The following MAGEH1 variants were observed in gnomAD, a reference collection of about 807,000 sequenced individuals.
The protein encoded by MAGEH1 is MAGE family member H1.
For missense variants in MAGEH1, 152 were observed against 183.0 expected, an observed-to-expected ratio of 0.83 and a Z score of 0.98; for synonymous variants, 79 against 70.3, an observed-to-expected ratio of 1.12 and a Z score of -0.62.
At position 55,452,730 on chromosome X, in the gene MAGEH1, G is replaced by A; in HGVS notation, c.356G>A (p.Gly119Glu). Residue 119 changes from glycine (G) to glutamate (E), a missense_variant, in exon 1 of 1, where the codon GGA (glycine) becomes GAA (glutamate). Physicochemically the swap from Gly to Glu is moderately conservative, Grantham distance 98. Coordinates refer to ENST00000342972, the MANE Select transcript of MAGEH1 (RefSeq NM_014061.5). The part of the protein sequence containing the change: ...ALVWKVLGKL[G>E]MQPGRQHSIF... ...GTCTGGAAAGTGCTGGGGAAGTTAGGAATGCAGCCTGGACGTCAGCACAGC... is the reference window on the plus strand; with the variant it reads ...GTCTGGAAAGTGCTGGGGAAGTTAGAAATGCAGCCTGGACGTCAGCACAGC... The A allele has an allele frequency of 8.3e-7, 1 of 1,211,825 alleles. No individual in the cohort carries two copies. The highest frequency in any genetic ancestry group is 1.1e-6 in the Non-Finnish European group (1 of 895,577).
chrX:55,453,166 T>C lies in MAGEH1; in HGVS notation c.*132T>C, dbSNP rs768114590. On this transcript the variant is annotated 3_prime_UTR_variant, in exon 1 of 1. Coordinates refer to ENST00000342972, the MANE Select transcript of MAGEH1 (RefSeq NM_014061.5). The stretch of plus-strand genomic sequence containing the variant: ...CACTGTATTTGATATTTGTGATCAG[T>C]GATCATTGTTCAACTGCGAAATAGA... The C allele has an allele frequency of 5.6e-6, 3 of 533,256 alleles. No individual in the cohort carries two copies. The African/African-American group carries it at 7.1e-5, about 13-fold the overall frequency. 43.9% of individuals were successfully genotyped at this position (533,256 alleles called of 1,213,427 possible).
Position 55,452,577 on chromosome X carries a change from C to T in MAGEH1, c.203C>T (p.Ala68Val). ...GAGGCCTCTACCACCCCTGAAGAAG[C>T]CTCGAGCACTGCCCAAGCACAAAAG... ...PEEASTTPEE[A>V]SSTAQAQKPS... Residue 68 changes from alanine to valine, a missense_variant, in exon 1 of 1, where the codon GCC (alanine) becomes GTC (valine). Ala to Val is a moderately conservative substitution (Grantham distance 64). Coordinates refer to ENST00000342972, the MANE Select transcript of MAGEH1 (RefSeq NM_014061.5). 1 of 1,210,085 alleles carries T rather than the reference C, an allele frequency of 8.3e-7. No homozygotes were observed. The highest frequency in any genetic ancestry group is 1.1e-6 in the Non-Finnish European group (1 of 894,952).
chrX:55,452,383 G>A lies in MAGEH1; in HGVS notation c.9G>A (p.Arg3=). MP[R]GRKSRRRRNA... ...AGCCTCTAGCAGGAGACATGCCTCG[G>A]GGACGAAAGAGTCGGCGCCGCCGTA... The change falls in exon 1 of 1, where the codon CGG becomes CGA. Residue 3 remains arginine, a synonymous_variant. Transcript: ENST00000342972. 8.6e-7 allele frequency: 1 copy of A among 1,156,500 alleles called. No individual in the cohort carries two copies.
Position 55,453,335 on chromosome X carries a change from C to G in MAGEH1, c.*301C>G, listed in dbSNP as rs1445079507. The G allele has an allele frequency of 3.8e-6, 1 of 264,995 alleles. No individual in the cohort carries two copies. The highest frequency in any genetic ancestry group is 2.8e-5 in the African/African-American group (1 of 35,597). The allele number at this position is 264,995 out of a possible 1,213,427, so 21.8% of individuals were successfully genotyped here. ...TTAGTATAACAGTTTTGCTAACGTT[C>G]TAAAATGAAGTCGTTCCATCATAAT... On this transcript the variant is annotated 3_prime_UTR_variant, in exon 1 of 1. Coordinates refer to ENST00000342972, the MANE Select transcript of MAGEH1 (RefSeq NM_014061.5).
In MAGEH1 at chrX:55,453,111, T is replaced by G; in HGVS notation, c.*77T>G. ...AAGGAGTAGATGCCAGGGTCCTAAGTTGAAAATGATGTCGATTGGGGGCGG... is the reference window on the plus strand; with the variant it reads ...AAGGAGTAGATGCCAGGGTCCTAAGGTGAAAATGATGTCGATTGGGGGCGG... On this transcript the variant is annotated 3_prime_UTR_variant, in exon 1 of 1. Transcript: ENST00000342972. 1 of 928,273 alleles carries G rather than the reference T, an allele frequency of 1.1e-6. No homozygotes were observed. The highest frequency in any genetic ancestry group is 3.0e-5 in the Admixed American group (1 of 32,888). 76.5% of individuals were successfully genotyped at this position (928,273 alleles called of 1,213,427 possible). A position where few individuals can be genotyped will look rare whatever the true frequency, so the allele number is the denominator to read the frequency against.
rs2031199373 is a variant in MAGEH1, at chrX:55,452,942, G to A, written c.568G>A (p.Asp190Asn). The change falls in exon 1 of 1, where the codon GAC becomes AAC. Residue 190 changes from aspartate (D) to asparagine (N), a missense_variant. Transcript: ENST00000342972. ...AAGGGTTCGTAACCGATGCTCTAAAGACTGGCCTTGTAATTATGACTGGGA... is the reference window on the plus strand; with the variant it reads ...AAGGGTTCGTAACCGATGCTCTAAAAACTGGCCTTGTAATTATGACTGGGA... The part of the protein sequence containing the change: ...VARVRNRCSK[D>N]WPCNYDWDSD... The A allele has an allele frequency of 6.6e-6, 8 of 1,211,563 alleles. No individual in the cohort carries two copies. The highest frequency in any genetic ancestry group is 8.9e-6 in the Non-Finnish European group (8 of 895,423).
At position 55,453,403 on chromosome X, in the gene MAGEH1, G is replaced by C. The variant is rs923128168; in HGVS notation, c.*369G>C. 1.3e-5 allele frequency: 2 copies of C among 153,195 alleles called. No homozygotes were observed. The highest frequency in any genetic ancestry group is 2.8e-5 in the Non-Finnish European group (2 of 72,588). 12.6% of individuals were successfully genotyped at this position (153,195 alleles called of 1,213,427 possible). A position where few individuals can be genotyped will look rare whatever the true frequency, so the allele number is the denominator to read the frequency against. The stretch of plus-strand genomic sequence containing the variant: ...ACTTATAGAAATAAGCTGTTCTTTT[G>C]AAGTTGAAATACCCAGTAAAATGTT... On this transcript the variant is annotated 3_prime_UTR_variant, in exon 1 of 1. Transcript: ENST00000342972.
rs1243076489 is a variant in MAGEH1 at position 55,453,082 on chromosome X, C to A, written c.*48C>A. ...GGGGTGTAAAAGAGAGTCACAGGTA[C>A]CCCAAGGAGTAGATGCCAGGGTCCT... On this transcript the variant is annotated 3_prime_UTR_variant, in exon 1 of 1. Coordinates refer to ENST00000342972, the MANE Select transcript of MAGEH1 (RefSeq NM_014061.5). The A allele has an allele frequency of 9.0e-6, 10 of 1,111,962 alleles. No individual in the cohort carries two copies. The highest frequency in any genetic ancestry group is 8.2e-5 in the South Asian group (4 of 48,699). 91.6% of individuals were successfully genotyped at this position (1,111,962 alleles called of 1,213,427 possible). A position where few individuals can be genotyped will look rare whatever the true frequency, so the allele number is the denominator to read the frequency against.
chrX:55,453,176 T>A lies in MAGEH1; in HGVS notation c.*142T>A. 1.0e-5 allele frequency: 5 copies of A among 487,319 alleles called. No individual in the cohort carries two copies. The highest frequency in any genetic ancestry group is 1.7e-5 in the Non-Finnish European group (5 of 301,661). 40.2% of individuals were successfully genotyped at this position (487,319 alleles called of 1,213,427 possible). On this transcript the variant is annotated 3_prime_UTR_variant, in exon 1 of 1. Transcript: ENST00000342972. ...GATATTTGTGATCAGTGATCATTGT[T>A]CAACTGCGAAATAGAGTGTTTGCTT...
rs1438295211 is a variant in MAGEH1, at chrX:55,452,565, C to T, written c.191C>T (p.Thr64Ile). The T allele has an allele frequency of 1.7e-6, 2 of 1,207,238 alleles. No homozygotes were observed. Among genetic ancestry groups the T allele is most frequent in the African/African-American group, 3.5e-5 (2 of 56,666 alleles). The change falls in exon 1 of 1, where the codon ACC becomes ATC. Residue 64 changes from threonine (T) to isoleucine (I), a missense_variant. Thr to Ile is a moderately conservative substitution (Grantham distance 89). Coordinates refer to ENST00000342972, the MANE Select transcript of MAGEH1 (RefSeq NM_014061.5). ...AGCACTCCAGAGGAGGCCTCTACCACCCCTGAAGAAGCCTCGAGCACTGCC... is the reference window on the plus strand; with the variant it reads ...AGCACTCCAGAGGAGGCCTCTACCATCCCTGAAGAAGCCTCGAGCACTGCC... ...DPSTPEEAST[T>I]PEEASSTAQA...
chrX:55,453,058 G>A lies in MAGEH1; in HGVS notation c.*24G>A, dbSNP rs748917202. The A allele has an allele frequency of 2.5e-6, 3 of 1,181,751 alleles. No homozygotes were observed. The highest frequency in any genetic ancestry group is 3.6e-5 in the African/African-American group (2 of 56,200). ...AAGTAGATCTGAGGCAGACCCTTGG[G>A]GGTGTAAAAGAGAGTCACAGGTACC... On this transcript the variant is annotated 3_prime_UTR_variant, in exon 1 of 1. Coordinates refer to ENST00000342972, the MANE Select transcript of MAGEH1 (RefSeq NM_014061.5).
rs1441693156 is a variant in MAGEH1 at position 55,453,109 on chromosome X, A to C, written c.*75A>C. 8.3e-6 allele frequency: 8 copies of C among 965,703 alleles called. No individual in the cohort carries two copies. The East Asian group carries it at 1.9e-4, about 23-fold the overall frequency. The allele number at this position is 965,703 out of a possible 1,213,427, so 79.6% of individuals were successfully genotyped here. ...CCAAGGAGTAGATGCCAGGGTCCTA[A>C]GTTGAAAATGATGTCGATTGGGGGC... On this transcript the variant is annotated 3_prime_UTR_variant, in exon 1 of 1. Transcript: ENST00000342972.
In MAGEH1 at chrX:55,452,830, C is replaced by T. The variant is rs757599100; in HGVS notation, c.456C>T (p.Pro152=). The T allele has an allele frequency of 8.3e-7, 1 of 1,211,231 alleles. No individual in the cohort carries two copies. Among genetic ancestry groups the T allele is most frequent in the East Asian group, 3.0e-5 (1 of 33,814 alleles). ...RRGYLIYKPV[P]RSSPVEYEFF... is the part of the protein sequence containing the mutation. ...GGTACCTGATTTATAAACCGGTGCC[C>T]CGTAGCAGTCCGGTGGAGTATGAGT... The change falls in exon 1 of 1, where the codon CCC becomes CCT. Residue 152 remains proline (P), a synonymous_variant. Transcript: ENST00000342972.
Position 55,453,158 on chromosome X carries a change from G to T in MAGEH1, c.*124G>T, listed in dbSNP as rs1016931459. 3.6e-6 allele frequency: 2 copies of T among 548,396 alleles called. No individual in the cohort carries two copies. The highest frequency in any genetic ancestry group is 5.7e-6 in the Non-Finnish European group (2 of 350,935). The allele number at this position is 548,396 out of a possible 1,213,427, so 45.2% of individuals were successfully genotyped here. On this transcript the variant is annotated 3_prime_UTR_variant, in exon 1 of 1. Transcript: ENST00000342972. ...GCGGGGGACACTGTATTTGATATTT[G>T]TGATCAGTGATCATTGTTCAACTGC...
In MAGEH1 at chrX:55,452,435, A is replaced by G; in HGVS notation, c.61A>G (p.Asn21Asp). Residue 21 changes from asparagine to aspartate, a missense_variant, in exon 1 of 1, where the codon AAC becomes GAC. Asn to Asp is a conservative substitution (Grantham distance 23, BLOSUM62 1). Coordinates refer to ENST00000342972, the MANE Select transcript of MAGEH1 (RefSeq NM_014061.5). ...RNARAAEENRNNRKIQASEAS... is the reference protein window; with the variant it reads ...RNARAAEENRDNRKIQASEAS... ...TGCGAGAGCCGCAGAAGAGAACCGC[A>G]ACAATCGCAAAATCCAGGCCTCAGA... 8.5e-7 allele frequency: 1 copy of G among 1,181,240 alleles called. No individual in the cohort carries two copies. The highest frequency in any genetic ancestry group is 1.1e-6 in the Non-Finnish European group (1 of 884,032).
rs2146639738 is a variant in MAGEH1, at chrX:55,452,502, C to G, written c.128C>G (p.Thr43Ser). The G allele has an allele frequency of 8.3e-7, 1 of 1,209,434 alleles. No homozygotes were observed. The highest frequency in any genetic ancestry group is 3.0e-5 in the East Asian group (1 of 33,780). ...TPMAASVVAS[T>S]PEDDLSGPEE... The stretch of plus-strand genomic sequence containing the variant: ...ATGGCCGCCTCTGTGGTAGCGAGCA[C>G]CCCCGAAGACGACCTGAGCGGCCCC... The change falls in exon 1 of 1, where the codon ACC becomes AGC. Residue 43 changes from threonine to serine, a missense_variant. Transcript: ENST00000342972.
chrX:55,453,018 G>A lies in MAGEH1; in HGVS notation c.644G>A (p.Gly215Asp), dbSNP rs903251654. Residue 215 changes from glycine (G) to aspartate (D), a missense_variant, in exon 1 of 1, where the codon GGT becomes GAT. Gly to Asp is a moderately conservative substitution (Grantham distance 94). Coordinates refer to ENST00000342972, the MANE Select transcript of MAGEH1 (RefSeq NM_014061.5). ...GCTATCCTCAATTCAGGTGCTAGGG[G>A]TTATTCCGCCCCTTAAGTAGATCTG... ...VEAILNSGAR[G>D]YSAP 5.0e-6 allele frequency: 6 copies of A among 1,208,415 alleles called. No individual in the cohort carries two copies. The highest frequency in any genetic ancestry group is 6.7e-6 in the Non-Finnish European group (6 of 894,420).
Position 55,453,348 on chromosome X carries a change from G to A in MAGEH1, c.*314G>A, listed in dbSNP as rs2031208272. 4.0e-6 allele frequency: 1 copy of A among 249,782 alleles called. No homozygotes were observed. The highest frequency in any genetic ancestry group is 7.4e-6 in the Non-Finnish European group (1 of 134,590). 20.6% of individuals were successfully genotyped at this position (249,782 alleles called of 1,213,427 possible). ...TTTGCTAACGTTCTAAAATGAAGTCGTTCCATCATAATCTATGATCTTGTA... is the reference window on the plus strand; with the variant it reads ...TTTGCTAACGTTCTAAAATGAAGTCATTCCATCATAATCTATGATCTTGTA... On this transcript the variant is annotated 3_prime_UTR_variant, in exon 1 of 1. Transcript: ENST00000342972.
In MAGEH1 at chrX:55,452,474, C is replaced by G. The variant is rs2031190703; in HGVS notation, c.100C>G (p.Pro34Ala). Residue 34 changes from proline to alanine, a missense_variant, in exon 1 of 1, where the codon CCT becomes GCT. Coordinates refer to ENST00000342972, the MANE Select transcript of MAGEH1 (RefSeq NM_014061.5). ...KIQASEASET[P>A]MAASVVASTP... The stretch of plus-strand genomic sequence containing the variant: ...CCAGGCCTCAGAGGCCTCCGAGACC[C>G]CTATGGCCGCCTCTGTGGTAGCGAG... 8.3e-7 allele frequency: 1 copy of G among 1,204,495 alleles called. No homozygotes were observed. Among genetic ancestry groups the G allele is most frequent in the Non-Finnish European group, 1.1e-6 (1 of 893,344 alleles).
Sources: gnomAD v4.1 joint callset for allele counts on GRCh38, gnomAD v4.1.1 for gene constraint, MANE v1.5 for transcripts, NCBI Gene and HGNC (gene_info 2026-07-23, HGNC 2026-07-21) for gene names.